APBA2: variants seen among roughly 807,000 people sequenced by gnomAD.
The protein encoded by APBA2 is amyloid beta precursor protein binding family A member 2, also known as amyloid-beta A4 precursor protein-binding family A member 2.
A neutral mutation model predicts 75.0 loss-of-function variants in APBA2; 30 were observed. The ratio of observed to expected loss-of-function variants is 0.40; its 90% CI spans 0.30 to 0.54. The LOEUF is 0.54. APBA2 is among the 20% of genes least tolerant of loss of function. The pLI is 0.49. For missense variants in APBA2, 801 were observed against 1,016.1 expected (o/e 0.79, Z 2.88); for synonymous variants, 444 against 409.6 (o/e 1.08, Z -1.01).
At chr15:29,087,983 G>T (rs774806733) in intron 6 of APBA2, among the ~76,000 whole-genome samples, 2 of 151,954 alleles carry the variant, frequency 1.3e-5, no homozygotes, top group Non-Finnish European at 2.9e-5. Context: ...ACACCACCCC[G>T]CTCTACCTGC....
intron 2 of APBA2, among the ~76,000 whole-genome samples, chr15:28,988,765 G>A (rs1390158582): frequency 6.6e-6 from 1 of 152,196 alleles, no homozygotes; most frequent in Admixed American, 6.5e-5. Context: ...TCAGGTATGT[G>A]TCTCTCTGTG....
chr15:29,071,133 A>C (rs1455566502), intron 4 of APBA2: 2 of 447,464 alleles, frequency 4.5e-6, no homozygotes, highest in Non-Finnish European at 8.9e-6. Flanking sequence ...TGTTTCATCC[A>C]AAGCAATGTG....
At chr15:28,917,189 A>G (rs2033724691) in intron 1 of APBA2, among the ~76,000 whole-genome samples, 1 of 152,142 alleles carries the variant, frequency 6.6e-6, no homozygotes. Context: ...CCTCCCTCCA[A>G]ACCCCCAGGA....
At chr15:29,083,626 G>A (rs2043172574) in intron 6 of APBA2, among the ~76,000 whole-genome samples, 1 of 152,112 alleles carries the variant, frequency 6.6e-6, no homozygotes, top group African/African-American at 2.4e-5. Context: ...CGCCTTCTGG[G>A]TTCAAGCGAT....
At position 28,979,719 on chromosome 15, in the gene APBA2, T is replaced by C. The variant is rs72625150; in HGVS notation, c.-94-16034T>C. Reference sequence around the variant, plus strand: ...CAGTCTCTTGGCAGGGCAGCCAAGTTGGGGGTGAGATGGACCTAGGGCTCT... The same window carrying C: ...CAGTCTCTTGGCAGGGCAGCCAAGTCGGGGGTGAGATGGACCTAGGGCTCT... On this transcript the variant is annotated intron_variant, in intron 2 of 14. Transcript: ENST00000683413. 4.6e-3 allele frequency among the ~76,000 whole-genome samples: 703 copies of C among 152,062 alleles called. 6 individuals are homozygous for C. The highest frequency in any genetic ancestry group is 0.016 in the African/African-American group (666 of 41,404).
intron 2 of APBA2, among the ~76,000 whole-genome samples, chr15:28,955,577 A>G (rs1177827318): frequency 6.6e-6 from 1 of 152,236 alleles, no homozygotes; most frequent in Non-Finnish European, 1.5e-5. Context: ...TGCTTTGTTC[A>G]GGGAAATGCA....
chr15:29,000,559 G>C (rs2038791615), intron 3 of APBA2, among the ~76,000 whole-genome samples: 1 of 152,062 alleles, frequency 6.6e-6, no homozygotes, highest in Non-Finnish European at 1.5e-5. Context: ...TTGTACAGGT[G>C]CTTCTGTTTG....
At chr15:28,973,355 A>T (rs2152755658) in intron 2 of APBA2, among the ~76,000 whole-genome samples, 1 of 152,336 alleles carries the variant, frequency 6.6e-6, no homozygotes, top group African/African-American at 2.4e-5. Flanking sequence ...TGACACATGA[A>T]ATATTTTACT....
intron 2 of APBA2, among the ~76,000 whole-genome samples, chr15:28,967,525 G>A (rs145037019): frequency 0.026 from 3,880 of 152,070 alleles, 136 homozygotes; most frequent in East Asian, 0.12. Context: ...TGCAAGCTCC[G>A]CCTCCCGGGT....
At chr15:28,907,637 A>G (rs1352421723) in intron 1 of APBA2, among the ~76,000 whole-genome samples, 1 of 152,206 alleles carries the variant, frequency 6.6e-6, no homozygotes, top group Non-Finnish European at 1.5e-5. Flanking sequence ...TGCAGACATC[A>G]ATGCTCAGGA....
intron 6 of APBA2, among the ~76,000 whole-genome samples, chr15:29,091,968 G>C (rs995506947): frequency 6.6e-6 from 1 of 152,220 alleles, no homozygotes; most frequent in Non-Finnish European, 1.5e-5. Context: ...CCAGGAGGTG[G>C]GCAGTCGGGA....
chr15:29,043,618 C>T (rs1369625796), intron 3 of APBA2, among the ~76,000 whole-genome samples: 1 of 152,164 alleles, frequency 6.6e-6, no homozygotes, highest in Non-Finnish European at 1.5e-5. Flanking sequence ...TAAATCATAA[C>T]AATACATATT....
intron 2 of APBA2, among the ~76,000 whole-genome samples, chr15:28,948,767 T>C (rs1321684748): frequency 6.6e-6 from 1 of 152,144 alleles, no homozygotes; most frequent in Non-Finnish European, 1.5e-5. Flanking sequence ...GCATCTTTGC[T>C]AGTGCTCACT....
chr15:29,093,223 A>G lies in APBA2; in HGVS notation c.1215+3A>G, dbSNP rs1171692673. 1.2e-6 allele frequency: 2 copies of G among 1,614,186 alleles called. No individual in the cohort carries two copies. Among genetic ancestry groups the G allele is most frequent in the East Asian group, 4.5e-5 (2 of 44,872 alleles). ...AGGAGGCCGTCAGCCGGGTCAAGGT[A>G]GAGGTGCTTCGAGGGCCCCTCGCGG... On this transcript the variant is annotated splice_donor_region_variant and intron_variant, in intron 7 of 14. Transcript: ENST00000683413.
rs75796409 is a variant in APBA2, at chr15:29,107,767, C to T, written c.1918-503C>T. On this transcript the variant is annotated intron_variant, in intron 12 of 14. Transcript: ENST00000683413. ...CCGGACCCCGGCGGCCTGGCGCACC[C>T]GCTGACAATTGCGTCCTCACTCACA... Among the ~76,000 whole-genome samples the T allele has an allele frequency of 5.9e-5, 9 of 152,328 alleles. No individual in the cohort carries two copies. In the East Asian group the frequency reaches 7.7e-4, roughly 13 times the overall value.
intron 6 of APBA2, among the ~76,000 whole-genome samples, chr15:29,086,793 G>T (rs2043309814): frequency 6.6e-6 from 1 of 152,078 alleles, no homozygotes; most frequent in Admixed American, 6.5e-5. Flanking sequence ...TTTTCTCTTA[G>T]TTATTTGGAC....
At chr15:29,068,850 A>G (rs1198059292) in intron 4 of APBA2, among the ~76,000 whole-genome samples, 1 of 152,196 alleles carries the variant, frequency 6.6e-6, no homozygotes. Context: ...TTCTCCTATT[A>G]TTTTTAAACT....
At chr15:29,040,706 C>T (rs978127449) in intron 3 of APBA2, among the ~76,000 whole-genome samples, 4 of 152,198 alleles carry the variant, frequency 2.6e-5, no homozygotes, top group African/African-American at 9.7e-5. Flanking sequence ...ACATTCTCTA[C>T]ATTCTCAACA....
intron 2 of APBA2, among the ~76,000 whole-genome samples, chr15:28,965,831 C>A (rs1227891879): frequency 6.6e-6 from 1 of 152,124 alleles, no homozygotes; most frequent in Non-Finnish European, 1.5e-5. Flanking sequence ...ACCCTGAAAC[C>A]TTACTGAACT....
Sources: gnomAD v4.1 joint callset for allele counts (sites outside exome capture counted in the v4.1 genomes callset) on GRCh38, gnomAD v4.1.1 for gene constraint, MANE v1.5 for transcripts, NCBI Gene and HGNC (gene_info 2026-07-23, HGNC 2026-07-21) for gene names.